Variants in SLC17A6 observed in about 807,000 individuals in gnomAD.
SLC17A6 encodes solute carrier family 17 member 6.
A neutral mutation model predicts 67.1 loss-of-function variants in SLC17A6; 35 were observed. The ratio of observed to expected loss-of-function variants is 0.52; its 90% CI spans 0.40 to 0.69. The LOEUF (loss-of-function observed/expected upper bound fraction) is 0.69, where lower values mean the gene tolerates loss of function less well. Among genes scored for constraint, SLC17A6 ranks in the 30% least tolerant of loss-of-function variants. The pLI, the probability that SLC17A6 is intolerant of heterozygous loss-of-function variation, is 0.00. For synonymous variants in SLC17A6, 285 were observed against 252.3 expected, an observed-to-expected ratio of 1.13 and a Z score of -1.23; for missense variants, 588 against 723.9, an observed-to-expected ratio of 0.81 and a Z score of 2.15.
chr11:22,343,396 G>T (rs771505390), intron 3 of SLC17A6, 31 bp downstream of exon 3: 6 of 1,569,118 alleles, frequency 3.8e-6, no homozygotes, highest in South Asian at 3.4e-5. Flanking sequence ...GGGGCTCGGG[G>T]CGTGGTGTTT....
At chr11:22,374,529 A>G (rs1227777343) in intron 8 of SLC17A6, among the ~76,000 whole-genome samples, 1 of 56,466 alleles carries the variant, frequency 1.8e-5, no homozygotes, top group Non-Finnish European at 4.4e-5. Flanking sequence ...TACGTGGCAA[A>G]AAAAAAAAAA....
At chr11:22,356,303 A>C (rs1179368540) in intron 3 of SLC17A6, among the ~76,000 whole-genome samples, 2 of 152,152 alleles carry the variant, frequency 1.3e-5, no homozygotes, top group African/African-American at 4.8e-5. Context: ...TGAATATTGA[A>C]TGGGGAGGCT....
chr11:22,372,470 A>C (rs1287561008), intron 8 of SLC17A6, among the ~76,000 whole-genome samples: 2 of 151,948 alleles, frequency 1.3e-5, no homozygotes, highest in South Asian at 2.1e-4. Context: ...ATGGCATATC[A>C]GCGGGTCAGT....
chr11:22,343,011 G>A, intron 2 of SLC17A6: 1 of 596,746 alleles, frequency 1.7e-6, no homozygotes, highest in Non-Finnish European at 3.1e-6. Flanking sequence ...CAGTAGTCAG[G>A]GAGCAAAGCC....
chr11:22,356,147 A>G (rs1855991077), intron 3 of SLC17A6, among the ~76,000 whole-genome samples: 1 of 152,226 alleles, frequency 6.6e-6, no homozygotes, highest in Non-Finnish European at 1.5e-5. Flanking sequence ...GGAAAGTGTA[A>G]CAACTCAGAG....
At chr11:22,350,868 A>G (rs1287171641) in intron 3 of SLC17A6, among the ~76,000 whole-genome samples, 1 of 152,158 alleles carries the variant, frequency 6.6e-6, no homozygotes, top group Non-Finnish European at 1.5e-5. Flanking sequence ...CTTCTGAGAA[A>G]GCCATGTTTT....
chr11:22,338,961 T>G (rs1380341080), intron 1 of SLC17A6, among the ~76,000 whole-genome samples: 1 of 150,610 alleles, frequency 6.6e-6, no homozygotes, highest in Non-Finnish European at 1.5e-5. Context: ...TTTCTTTTGG[T>G]GCTTATAGAT....
chr11:22,375,769 C>T (rs1191078914), intron 9 of SLC17A6, among the ~76,000 whole-genome samples: 2 of 152,100 alleles, frequency 1.3e-5, no homozygotes, highest in African/African-American at 2.4e-5. Flanking sequence ...CATGAGCCAC[C>T]GCATCTGGCC....
chr11:22,338,702 G>T, intron 1 of SLC17A6, 83 bp downstream of exon 1: 1 of 1,009,744 alleles, frequency 9.9e-7, no homozygotes, highest in Non-Finnish European at 1.5e-6. Context: ...TGGTGGCTCA[G>T]AAAGATTGTA....
At chr11:22,342,487 G>A (rs977160322) in intron 2 of SLC17A6, among the ~76,000 whole-genome samples, 2 of 152,110 alleles carry the variant, frequency 1.3e-5, no homozygotes, top group African/African-American at 2.4e-5. Context: ...TATTTAAAGG[G>A]GAAAAAGGGT....
In SLC17A6 at chr11:22,368,183, T is replaced by A. The variant is rs143858180; in HGVS notation, c.892-1856T>A. ...AGTACTACTATCACACTTAACATAA[T>A]TAAAAACAATTCTGTATCATCATTT... is the stretch of plus-strand genomic sequence containing the variant. On this transcript the variant is annotated intron_variant, in intron 7 of 11. Transcript: ENST00000263160. Among the ~76,000 whole-genome samples, 655 of 152,168 alleles carry A rather than the reference T, an allele frequency of 4.3e-3. 1 individual carries two copies. The highest frequency in any genetic ancestry group is 0.015 in the African/African-American group (621 of 41,568).
At chr11:22,356,136 A>G (rs1340029977) in intron 3 of SLC17A6, among the ~76,000 whole-genome samples, 1 of 152,186 alleles carries the variant, frequency 6.6e-6, no homozygotes, top group African/African-American at 2.4e-5. Context: ...ATAAAATGAG[A>G]GGAAAGTGTA....
intron 3 of SLC17A6, among the ~76,000 whole-genome samples, chr11:22,351,757 T>G (rs1207561914): frequency 6.6e-6 from 1 of 152,182 alleles, no homozygotes; most frequent in Non-Finnish European, 1.5e-5. Context: ...TGGGAGGTTT[T>G]CATTGTTAGA....
chr11:22,370,369 T>C (rs928225299), intron 8 of SLC17A6, among the ~76,000 whole-genome samples, 181 bp downstream of exon 8: 15 of 152,140 alleles, frequency 9.9e-5, no homozygotes, highest in African/African-American at 3.4e-4. Flanking sequence ...TATTCTGTTG[T>C]CTGCTAGAAT....
chr11:22,377,136 G>GA (rs907000459), intron 11 of SLC17A6, among the ~76,000 whole-genome samples: 3 of 151,642 alleles, frequency 2.0e-5, no homozygotes, highest in Non-Finnish European at 4.4e-5. Context: ...TAAATCAATG[G>GA]AAAAAAAGAG....
At chr11:22,342,554 C>T (rs1021007231) in intron 2 of SLC17A6, among the ~76,000 whole-genome samples, 1 of 152,092 alleles carries the variant, frequency 6.6e-6, no homozygotes, top group Non-Finnish European at 1.5e-5. Flanking sequence ...AATATTGAGC[C>T]CCAGTTTACC....
At chr11:22,345,632 G>A (rs1370407511) in intron 3 of SLC17A6, among the ~76,000 whole-genome samples, 1 of 152,036 alleles carries the variant, frequency 6.6e-6, no homozygotes, top group Non-Finnish European at 1.5e-5. Flanking sequence ...AAAATGTATT[G>A]TAAAATATCA....
At chr11:22,359,787 A>T (rs1238657242) in intron 4 of SLC17A6, among the ~76,000 whole-genome samples, 1 of 116,148 alleles carries the variant, frequency 8.6e-6, no homozygotes, top group Non-Finnish European at 2.2e-5. Flanking sequence ...TATTTGACTT[A>T]AAAAAAAACA....
intron 8 of SLC17A6, among the ~76,000 whole-genome samples, chr11:22,373,640 A>C (rs1856198367): frequency 6.6e-6 from 1 of 152,094 alleles, no homozygotes; most frequent in Non-Finnish European, 1.5e-5. Flanking sequence ...CAGTCTTTCG[A>C]CTCACGTAGA....
Sources: allele counts gnomAD v4.1 joint callset (sites outside exome capture counted in the v4.1 genomes callset), GRCh38; gene constraint gnomAD v4.1.1; transcripts MANE v1.5; gene names NCBI Gene and HGNC (gene_info 2026-07-23, HGNC 2026-07-21).